ERCC6: variants seen among roughly 807,000 people sequenced by gnomAD.
The protein encoded by ERCC6 is DNA excision repair protein ERCC-6.
Under a neutral mutation model 158.7 loss-of-function variants are expected in ERCC6, and 116 were observed. The observed-to-expected ratio is 0.73, with a 90% confidence interval of 0.63 to 0.85. The LOEUF is 0.85. Among genes scored for constraint, ERCC6 ranks in the 40% least tolerant of loss-of-function variants. The pLI is 0.00. For synonymous variants in ERCC6, 678 were observed against 659.3 expected (o/e 1.03, Z -0.43); for missense variants, 1,698 against 1,799.4 (o/e 0.94, Z 1.02).
chr10:49,497,196 G>A (rs1463317991), intron 7 of ERCC6, among the ~76,000 whole-genome samples: 1 of 152,266 alleles, frequency 6.6e-6, no homozygotes, highest in East Asian at 1.9e-4. Context: ...CCCAAGGAGA[G>A]TGGGACTCTG....
At position 49,471,175 on chromosome 10, in the gene ERCC6, T is replaced by C. The variant is rs1395994930; in HGVS notation, c.2925-55A>G. Reference sequence around the variant, plus strand: ...AACAATGTGTAGCTCTACCTAAAAATTCAAGTTATAAAGCAATATAAGAGA... The same window carrying C: ...AACAATGTGTAGCTCTACCTAAAAACTCAAGTTATAAAGCAATATAAGAGA... On this transcript the variant is annotated intron_variant, in intron 16 of 20. Transcript: ENST00000355832. The C allele has an allele frequency of 1.8e-5, 29 of 1,576,524 alleles. 1 individual carries two copies. The South Asian group carries it at 3.0e-4, about 16-fold the overall frequency.
At chr10:49,472,643 A>C (rs1430208211) in intron 15 of ERCC6, 173 bp from the exon 16 acceptor site, 14 of 746,640 alleles carry the variant, frequency 1.9e-5, no homozygotes, top group Non-Finnish European at 3.2e-5. Flanking sequence ...AGTTGAAAAG[A>C]CATCTCTACT....
At chr10:49,472,511 C>T in intron 15 of ERCC6, 41 bp from the exon 16 acceptor site, 1 of 1,594,356 alleles carries the variant, frequency 6.3e-7, no homozygotes, top group South Asian at 1.1e-5. Context: ...AGAATCCTTC[C>T]CAATGACAAG....
the ERCC6 span, among the ~76,000 whole-genome samples, chr10:49,446,768 C>A: frequency 2.6e-5 from 4 of 152,144 alleles, no homozygotes; most frequent in Non-Finnish European, 2.9e-5. Flanking sequence ...GAGCTATGAT[C>A]GTGCCACTGC....
At chr10:49,445,726 CA>C in the ERCC6 span, among the ~76,000 whole-genome samples, 4 of 152,118 alleles carry the variant, frequency 2.6e-5, no homozygotes, top group Non-Finnish European at 5.9e-5. Context: ...AGTCAAGTGC[CA>C]GGGGCTACAA....
intron 5 of ERCC6, among the ~76,000 whole-genome samples, chr10:49,512,343 C>G (rs1256567998): frequency 6.6e-6 from 1 of 152,122 alleles, no homozygotes; most frequent in Non-Finnish European, 1.5e-5. Context: ...CTGTGAGAAA[C>G]CATACTGCAA....
At position 49,505,949 on chromosome 10, in the gene ERCC6, C is replaced by T. The variant is rs922967927; in HGVS notation, c.1461G>A (p.Glu487=). The change falls in exon 6 of 21, where the codon GAG becomes GAA. Residue 487 remains glutamate, a synonymous_variant. Transcript: ENST00000355832. ...EKRLKLEDDS[E]ESDAEFDEGF... ...CTTCGTCAAATTCAGCATCACTTTC[C>T]TCAGAATCGTCCTCCAGCTTCAGAC... 6.2e-7 allele frequency: 1 copy of T among 1,613,424 alleles called. No homozygotes were observed. Among genetic ancestry groups the T allele is most frequent in the African/African-American group, 1.3e-5 (1 of 74,876 alleles).
chr10:49,509,161 G>A (rs2132586580), intron 5 of ERCC6, among the ~76,000 whole-genome samples: 1 of 152,236 alleles, frequency 6.6e-6, no homozygotes, highest in Admixed American at 6.5e-5. Context: ...GAGATGGGGA[G>A]AACAGCAGCA....
intron 7 of ERCC6, among the ~76,000 whole-genome samples, chr10:49,494,575 A>T (rs1046988493): frequency 2.6e-5 from 4 of 152,020 alleles, no homozygotes; most frequent in Admixed American, 1.3e-4. Flanking sequence ...CTTCTTCCTT[A>T]CTGCAGACAC....
chr10:49,517,146 A>G, intron 5 of ERCC6: 1 of 1,564,368 alleles, frequency 6.4e-7, no homozygotes, highest in Non-Finnish European at 8.7e-7. Context: ...AGGTATTATT[A>G]GTCCTAGTGG....
chr10:49,478,158 G>A (rs1389918589), intron 11 of ERCC6, among the ~76,000 whole-genome samples, 196 bp downstream of exon 11: 1 of 152,240 alleles, frequency 6.6e-6, no homozygotes, highest in Non-Finnish European at 1.5e-5. Flanking sequence ...AGGAATCCAT[G>A]TGTCAGTAAG....
chr10:49,439,871 C>T, the ERCC6 span, among the ~76,000 whole-genome samples: 2 of 152,172 alleles, frequency 1.3e-5, no homozygotes, highest in African/African-American at 2.4e-5. Flanking sequence ...TTTGCTAAAA[C>T]GTAACAAGAG....
intron 5 of ERCC6, among the ~76,000 whole-genome samples, chr10:49,508,805 C>A (rs886550510): frequency 1.3e-5 from 2 of 152,044 alleles, no homozygotes; most frequent in Non-Finnish European, 2.9e-5. Flanking sequence ...AAGATGGGGC[C>A]GACAAGTACA....
intron 5 of ERCC6, among the ~76,000 whole-genome samples, chr10:49,508,980 GATATAAAGGATTCTGT>G (rs1851491814): frequency 6.6e-6 from 1 of 152,190 alleles, no homozygotes; most frequent in Non-Finnish European, 1.5e-5. Context: ...CTGGCCAGCA[GATATAAAGGATTCTGT>G]ATATAAACAT....
intron 3 of ERCC6, 71 bp downstream of exon 3, chr10:49,530,649 A>G: frequency 6.3e-7 from 1 of 1,588,292 alleles, no homozygotes; most frequent in South Asian, 1.1e-5. Context: ...TTTTTAAAAT[A>G]CTTCCTAAAT....
At chr10:49,491,802 A>AT (rs1206004059) in intron 8 of ERCC6, among the ~76,000 whole-genome samples, 1 of 152,190 alleles carries the variant, frequency 6.6e-6, no homozygotes, top group Non-Finnish European at 1.5e-5. Flanking sequence ...ACATCAGCTA[A>AT]TGAGTCCTGC....
chr10:49,473,914 G>T (rs895149015), intron 13 of ERCC6, 113 bp downstream of exon 13: 14 of 975,438 alleles, frequency 1.4e-5, no homozygotes, highest in East Asian at 7.4e-5. Context: ...TGCCACCTCA[G>T]CATCAGTGGT....
intron 7 of ERCC6, among the ~76,000 whole-genome samples, 178 bp downstream of exon 7, chr10:49,500,360 T>C (rs540623710): frequency 6.6e-6 from 1 of 152,298 alleles, no homozygotes; most frequent in African/African-American, 2.4e-5. Context: ...TAATTTCTCC[T>C]GCCCTACAGC....
At chr10:49,503,358 T>C (rs1156229865) in intron 6 of ERCC6, 1 of 151,826 alleles carries the variant, frequency 6.6e-6, no homozygotes, top group Non-Finnish European at 1.5e-5. Context: ...AGCATGTGAG[T>C]GTGTTTACAA....
Sources: allele counts gnomAD v4.1 joint callset (sites outside exome capture counted in the v4.1 genomes callset), GRCh38; gene constraint gnomAD v4.1.1; transcripts MANE v1.5; gene names NCBI Gene and HGNC (gene_info 2026-07-23, HGNC 2026-07-21).